Variants in ITGAM observed in about 807,000 individuals in gnomAD.
ITGAM encodes integrin subunit alpha M, also known as integrin alpha-M.
In ITGAM, 79 loss-of-function variants were observed where a neutral mutation model predicts 137.5. The ratio of observed to expected loss-of-function variants is 0.57; its 90% CI spans 0.48 to 0.69. The LOEUF is 0.69. ITGAM is among the 30% of genes least tolerant of loss of function. The pLI is 0.00. For missense variants in ITGAM, 1,343 were observed against 1,483.5 expected, an observed-to-expected ratio of 0.91 and a Z score of 1.56; for synonymous variants, 583 against 592.3, an observed-to-expected ratio of 0.98 and a Z score of 0.23.
intron 12 of ITGAM, among the ~76,000 whole-genome samples, chr16:31,296,144 GC>G (rs1382954673): frequency 7.3e-6 from 1 of 137,754 alleles, no homozygotes; most frequent in Non-Finnish European, 1.5e-5. Context: ...TCTCTGTGTT[GC>G]CCAGGCTGGA....
In ITGAM at chr16:31,330,772, A is replaced by G. The variant is rs79990946; in HGVS notation, c.3276+167A>G. Among the ~76,000 whole-genome samples the G allele has an allele frequency of 5.1e-3, 766 of 150,564 alleles. 7 individuals carry two copies. Among genetic ancestry groups the G allele is most frequent in the African/African-American group, 0.018 (738 of 40,184 alleles). On this transcript the variant is annotated intron_variant, in intron 28 of 29. Coordinates refer to ENST00000544665, the MANE Select transcript of ITGAM (RefSeq NM_000632.4). ...AGGAGAGAGACAGACAGAGACAGAG[A>G]GATAGAGGCAGAGGGAGAAACAGAC...
Position 31,271,094 on chromosome 16 carries a change from C to T in ITGAM, c.558+10C>T. 1.7e-5 allele frequency: 27 copies of T among 1,551,050 alleles called. No homozygotes were observed. The highest frequency in any genetic ancestry group is 2.4e-5 in the Non-Finnish European group (27 of 1,142,220). On this transcript the variant is annotated intron_variant, in intron 6 of 29. Coordinates refer to ENST00000544665, the MANE Select transcript of ITGAM (RefSeq NM_000632.4). Reference sequence around the variant, plus strand: ...AAAGTCCAAAACCTTGGTGAGGGCCCAGGGGTAGGTTAGGGAAGAGCCCAC... The same window carrying T: ...AAAGTCCAAAACCTTGGTGAGGGCCTAGGGGTAGGTTAGGGAAGAGCCCAC...
chr16:31,271,732 G>A, intron 6 of ITGAM, 115 bp from the exon 7 acceptor site: 1 of 1,277,878 alleles, frequency 7.8e-7, no homozygotes. Context: ...ATTAGGGGCA[G>A]CACAGAGGAG....
intron 12 of ITGAM, among the ~76,000 whole-genome samples, chr16:31,287,058 A>G (rs1361728777): frequency 2.1e-4 from 32 of 152,192 alleles, no homozygotes; most frequent in Admixed American, 1.9e-3. Context: ...TGATTTTTGT[A>G]TAAGGTGTAA....
At chr16:31,271,233 C>A in intron 6 of ITGAM, 149 bp downstream of exon 6, 1 of 579,868 alleles carries the variant, frequency 1.7e-6, no homozygotes, top group Non-Finnish European at 2.7e-6. Context: ...CTCTTTTCTG[C>A]TCTGTTGGAT....
At chr16:31,312,815 C>G (rs1375861075) in intron 14 of ITGAM, among the ~76,000 whole-genome samples, 1 of 151,414 alleles carries the variant, frequency 6.6e-6, no homozygotes, top group Non-Finnish European at 1.5e-5. Flanking sequence ...TCGATTATAG[C>G]CATCTTTTGC....
intron 14 of ITGAM, among the ~76,000 whole-genome samples, chr16:31,308,591 CA>C (rs200124230): frequency 6.6e-6 from 1 of 151,908 alleles, no homozygotes. Context: ...CTGATCTTTT[CA>C]AAAAAACCAG....
intron 25 of ITGAM, 63 bp downstream of exon 25, chr16:31,329,968 T>G: frequency 6.5e-7 from 1 of 1,530,084 alleles, no homozygotes; most frequent in Non-Finnish European, 8.9e-7. Flanking sequence ...CTGTTAATGC[T>G]ATTGGGTTTT....
Position 31,325,259 on chromosome 16 carries a change from A to G in ITGAM, c.2364-4A>G, listed in dbSNP as rs1419273554. ...TCCCCCGGCCTGTCTTCTTCTTCCCACAGCCTGGACTGCCTCGTGGTGGGT... is the reference window on the plus strand; with the variant it reads ...TCCCCCGGCCTGTCTTCTTCTTCCCGCAGCCTGGACTGCCTCGTGGTGGGT... On this transcript the variant is annotated splice_region_variant and splice_polypyrimidine_tract_variant and intron_variant, in intron 19 of 29. Transcript: ENST00000544665. The G allele has an allele frequency of 6.2e-7, 1 of 1,608,390 alleles. No homozygotes were observed. The highest frequency in any genetic ancestry group is 2.2e-5 in the East Asian group (1 of 44,870).
intron 14 of ITGAM, among the ~76,000 whole-genome samples, chr16:31,310,767 C>G (rs562528554): frequency 6.6e-6 from 1 of 152,154 alleles, no homozygotes; most frequent in Admixed American, 6.6e-5. Flanking sequence ...GGAGGAGAGG[C>G]GCTCTGATTT....
rs189974578 is a variant in ITGAM, at chr16:31,324,952, T to A, written c.2290-6T>A. 195 of 1,607,222 alleles carry A rather than the reference T, an allele frequency of 1.2e-4. No homozygotes were observed. The African/African-American group carries it at 1.6e-3, about 13-fold the overall frequency. On this transcript the variant is annotated splice_polypyrimidine_tract_variant and splice_region_variant and intron_variant, in intron 18 of 29. Coordinates refer to ENST00000544665, the MANE Select transcript of ITGAM (RefSeq NM_000632.4). The surrounding 1 kb of genome is among the most constrained non-coding windows in gnomAD (Gnocchi z 4.5). ...CTTTCATTTGATCATATTTATTTTT[T>A]AAAAGTTTCCCTTTGAGAAGAATTG... is the stretch of plus-strand genomic sequence containing the variant.
intron 12 of ITGAM, among the ~76,000 whole-genome samples, chr16:31,281,740 GTTA>G (rs2079971713): frequency 6.6e-6 from 1 of 152,100 alleles, no homozygotes; most frequent in Non-Finnish European, 1.5e-5. Flanking sequence ...TCTGATCTTA[GTTA>G]TTTCTTGCCA....
chr16:31,275,891 T>A (rs567630144), intron 9 of ITGAM, among the ~76,000 whole-genome samples, 192 bp downstream of exon 9: 1 of 152,302 alleles, frequency 6.6e-6, no homozygotes, highest in East Asian at 1.9e-4. Context: ...TACTTTTATC[T>A]GTAATTTTGC....
intron 12 of ITGAM, among the ~76,000 whole-genome samples, chr16:31,291,642 G>A (rs536231186): frequency 6.1e-4 from 93 of 152,150 alleles, no homozygotes; most frequent in African/African-American, 2.2e-3. Context: ...TGCAATAACA[G>A]GATTGGAACT....
At chr16:31,302,391 T>TC (rs1218411911) in intron 14 of ITGAM, among the ~76,000 whole-genome samples, 2 of 148,930 alleles carry the variant, frequency 1.3e-5, no homozygotes, top group Non-Finnish European at 1.5e-5. Context: ...TTCTTTTCTT[T>TC]TTTCTTTTCT....
At chr16:31,320,169 C>G (rs1291298937) in intron 14 of ITGAM, among the ~76,000 whole-genome samples, 1 of 152,114 alleles carries the variant, frequency 6.6e-6, no homozygotes, top group Admixed American at 6.6e-5. Flanking sequence ...GTGGTTTCCA[C>G]AAAACATCTC....
intron 2 of ITGAM, among the ~76,000 whole-genome samples, chr16:31,264,619 G>A (rs1181503619): frequency 6.6e-6 from 1 of 151,936 alleles, no homozygotes; most frequent in Non-Finnish European, 1.5e-5. Flanking sequence ...ACTCCATCTT[G>A]GGCAACAGGG....
intron 23 of ITGAM, among the ~76,000 whole-genome samples, chr16:31,328,643 ATGTG>A (rs923412573): frequency 1.6e-5 from 2 of 124,772 alleles, no homozygotes; most frequent in African/African-American, 6.4e-5. Flanking sequence ...GTGTGTGCAT[ATGTG>A]TGTGTCTGAG....
At chr16:31,291,347 T>C (rs2080085113) in intron 12 of ITGAM, among the ~76,000 whole-genome samples, 1 of 152,182 alleles carries the variant, frequency 6.6e-6, no homozygotes, top group East Asian at 1.9e-4. Flanking sequence ...CCTTTGGCAA[T>C]ATACCCAGCA....
Sources: allele counts gnomAD v4.1 joint callset (sites outside exome capture counted in the v4.1 genomes callset), GRCh38; gene constraint gnomAD v4.1.1; non-coding constraint Gnocchi (gnomAD v3.1); transcripts MANE v1.5; gene names NCBI Gene and HGNC (gene_info 2026-07-23, HGNC 2026-07-21).